NELL1: variants seen among roughly 807,000 people sequenced by gnomAD.
NELL1 encodes the protein neural EGFL like 1.
Under a neutral mutation model 107.4 loss-of-function variants are expected in NELL1, and 76 were observed. The observed-to-expected ratio is 0.71, with a 90% CI of 0.59 to 0.86. The LOEUF (loss-of-function observed/expected upper bound fraction) is 0.86. Among genes scored for constraint, NELL1 ranks in the 40% least tolerant of loss-of-function variants. The pLI is 0.00. For missense variants in NELL1, 1,024 were observed against 1,005.5 expected, an observed-to-expected ratio of 1.02 and a Z score of -0.25; for synonymous variants, 353 against 341.2, an observed-to-expected ratio of 1.03 and a Z score of -0.38.
intron 2 of NELL1, among the ~76,000 whole-genome samples, chr11:20,681,588 T>C (rs192310738): frequency 5.8e-4 from 89 of 152,236 alleles, no homozygotes; most frequent in Non-Finnish European, 1.0e-3. Flanking sequence ...TTTTAGGTAT[T>C]TGTTACAGCA....
At chr11:20,986,773 T>A (rs184072816) in intron 12 of NELL1, among the ~76,000 whole-genome samples, 1 of 152,256 alleles carries the variant, frequency 6.6e-6, no homozygotes, top group African/African-American at 2.4e-5. Context: ...TGACTGTCAA[T>A]ATTTGTATCA....
intron 3 of NELL1, among the ~76,000 whole-genome samples, chr11:20,813,297 T>C (rs1857544394): frequency 6.6e-6 from 1 of 152,202 alleles, no homozygotes; most frequent in Non-Finnish European, 1.5e-5. Flanking sequence ...TTGGGTTTAG[T>C]CTCTGAAATC....
chr11:21,171,749 A>G (rs1259865293), intron 13 of NELL1, among the ~76,000 whole-genome samples: 4 of 151,816 alleles, frequency 2.6e-5, no homozygotes, highest in Non-Finnish European at 5.9e-5. Context: ...AATTCCCTAT[A>G]TTAAATTCAA....
At chr11:20,706,026 C>G (rs554381324) in intron 2 of NELL1, among the ~76,000 whole-genome samples, 2,011 of 152,176 alleles carry the variant, frequency 0.013, 37 homozygotes, top group African/African-American at 0.046. Context: ...ACAGGTGCTG[C>G]AGAGGATGTG....
At chr11:21,534,643 A>G in intron 16 of NELL1, 129 bp downstream of exon 16, 4 of 974,666 alleles carry the variant, frequency 4.1e-6, no homozygotes, top group Non-Finnish European at 6.1e-6. Context: ...CAGTTTTCAA[A>G]TTTTCTCCCT....
At chr11:20,831,964 C>G (rs771859450) in intron 3 of NELL1, among the ~76,000 whole-genome samples, 13 of 152,164 alleles carry the variant, frequency 8.5e-5, no homozygotes, top group Non-Finnish European at 1.5e-4. Context: ...GTGTCCTCTC[C>G]TGAGGAGGGA....
intron 15 of NELL1, among the ~76,000 whole-genome samples, chr11:21,447,566 T>C (rs947989352): frequency 2.0e-5 from 3 of 152,202 alleles, no homozygotes; most frequent in African/African-American, 7.2e-5. Context: ...CTACTGAGGC[T>C]GAGCTGGTAT....
At chr11:21,164,607 C>G (rs79846975) in intron 13 of NELL1, among the ~76,000 whole-genome samples, 1,982 of 152,268 alleles carry the variant, frequency 0.013, 42 homozygotes, top group African/African-American at 0.045. Context: ...ACTTGTCCCA[C>G]TTCTGAAAGA....
intron 4 of NELL1, among the ~76,000 whole-genome samples, chr11:20,859,098 C>A (rs780129043): frequency 2.2e-4 from 34 of 152,310 alleles, no homozygotes; most frequent in Admixed American, 5.2e-4. Context: ...GTGGACTAGG[C>A]CCACACCTAC....
At chr11:21,212,088 AGT>A (rs1458462188) in intron 13 of NELL1, among the ~76,000 whole-genome samples, 1 of 152,108 alleles carries the variant, frequency 6.6e-6, no homozygotes, top group East Asian at 1.9e-4. Context: ...GGCCTCCCAA[AGT>A]GTTGGGATTA....
At chr11:21,064,671 G>C (rs1229085907) in intron 12 of NELL1, among the ~76,000 whole-genome samples, 1 of 152,136 alleles carries the variant, frequency 6.6e-6, no homozygotes, top group African/African-American at 2.4e-5. Flanking sequence ...GGATGGGAAA[G>C]TGGGGAAGAG....
chr11:20,829,778 T>C (rs1438436232), intron 3 of NELL1, among the ~76,000 whole-genome samples: 2 of 152,094 alleles, frequency 1.3e-5, no homozygotes, highest in African/African-American at 4.8e-5. Context: ...TTCCTCATGA[T>C]TAAGTTATTA....
chr11:20,878,513 G>C (rs1008066939), intron 4 of NELL1, among the ~76,000 whole-genome samples: 1 of 151,888 alleles, frequency 6.6e-6, no homozygotes, highest in African/African-American at 2.4e-5. Context: ...TCTCTTTTCC[G>C]GGTGAGAGAC....
intron 13 of NELL1, among the ~76,000 whole-genome samples, chr11:21,171,301 C>A (rs757801224): frequency 1.6e-4 from 25 of 151,760 alleles, no homozygotes; most frequent in Non-Finnish European, 3.1e-4. Context: ...TATAATTATA[C>A]ACACACACAT....
chr11:21,351,885 C>T (rs1160915946), intron 14 of NELL1, among the ~76,000 whole-genome samples: 2 of 152,156 alleles, frequency 1.3e-5, no homozygotes, highest in Admixed American at 1.3e-4. Flanking sequence ...TCTTCCAATG[C>T]TTCTTAATTG....
intron 14 of NELL1, among the ~76,000 whole-genome samples, chr11:21,238,839 C>A (rs545977289): frequency 1.4e-4 from 21 of 151,984 alleles, no homozygotes; most frequent in African/African-American, 5.1e-4. Flanking sequence ...TTTGATATTT[C>A]TGTTTACTAG....
At chr11:20,995,936 T>A (rs1376520387) in intron 12 of NELL1, among the ~76,000 whole-genome samples, 1 of 152,212 alleles carries the variant, frequency 6.6e-6, no homozygotes, top group African/African-American at 2.4e-5. Flanking sequence ...AGGCAAGGGC[T>A]GAAGAATGAA....
chr11:21,563,587 G>A (rs1230732228), intron 17 of NELL1, among the ~76,000 whole-genome samples: 2 of 151,912 alleles, frequency 1.3e-5, no homozygotes, highest in Admixed American at 1.3e-4. Flanking sequence ...ACCCTATTAG[G>A]TATTATTAGT....
intron 15 of NELL1, among the ~76,000 whole-genome samples, chr11:21,473,665 A>C (rs547556629): frequency 1.8e-4 from 28 of 152,108 alleles, no homozygotes; most frequent in African/African-American, 5.8e-4. Flanking sequence ...GGCACAATAA[A>C]ATCTAGGTAG....
Sources: allele counts gnomAD v4.1 joint callset (sites outside exome capture counted in the v4.1 genomes callset), GRCh38; gene constraint gnomAD v4.1.1; transcripts MANE v1.5; gene names NCBI Gene and HGNC (gene_info 2026-07-23, HGNC 2026-07-21).